The following GNA14 variants were observed in gnomAD, a reference collection of about 807,000 sequenced individuals.
GNA14 encodes the protein guanine nucleotide-binding protein subunit alpha-14.
In GNA14, 50 loss-of-function variants were observed where a neutral mutation model predicts 42.0. The observed-to-expected ratio is 1.19, with a 90% CI of 0.95 to 1.51. The LOEUF (loss-of-function observed/expected upper bound fraction) is 1.51, where lower values mean the gene tolerates loss of function less well. Among genes scored for constraint, GNA14 ranks in the 40% most tolerant of loss-of-function variants. The pLI, the probability that GNA14 is intolerant of heterozygous loss-of-function variation, is 0.00. For missense variants in GNA14, 473 were observed against 446.2 expected (o/e 1.06, Z -0.54); for synonymous variants, 173 against 163.1 (o/e 1.06, Z -0.46).
intron 1 of GNA14, among the ~76,000 whole-genome samples, chr9:77,584,066 T>C (rs1823265175): frequency 6.6e-6 from 1 of 152,188 alleles, no homozygotes; most frequent in Admixed American, 6.5e-5. Flanking sequence ...TGAAAAGGAA[T>C]ACTGAGACAA....
chr9:77,423,858 T>C lies in GNA14; in HGVS notation c.*121A>G. 1 of 569,168 alleles carries C rather than the reference T, an allele frequency of 1.8e-6. No individual in the cohort carries two copies. Among genetic ancestry groups the C allele is most frequent in the Non-Finnish European group, 3.0e-6 (1 of 330,730 alleles). The allele number at this position is 569,168 out of a possible 1,614,324, so 35.3% of individuals were successfully genotyped here. A position where few individuals can be genotyped will look rare whatever the true frequency, so the allele number is the denominator to read the frequency against. ...ATCACCCATCTCTGTCCCCACGATCTACATGACATCCTTAGTTCCTGGCAT... is the reference window on the plus strand; with the variant it reads ...ATCACCCATCTCTGTCCCCACGATCCACATGACATCCTTAGTTCCTGGCAT... On this transcript the variant is annotated 3_prime_UTR_variant, in exon 7 of 7. Transcript: ENST00000341700.
intron 1 of GNA14, among the ~76,000 whole-genome samples, chr9:77,631,488 A>C (rs938158203): frequency 1.4e-4 from 18 of 132,980 alleles, no homozygotes; most frequent in Admixed American, 7.4e-5. Flanking sequence ...AAAAAAAAAA[A>C]GTAAAAAACC....
chr9:77,520,912 T>C (rs963014776), intron 2 of GNA14, among the ~76,000 whole-genome samples: 1 of 152,222 alleles, frequency 6.6e-6, no homozygotes, highest in Admixed American at 6.5e-5. Context: ...TTACTCATCA[T>C]TGGCTCCCAA....
intron 1 of GNA14, among the ~76,000 whole-genome samples, chr9:77,646,986 G>A (rs1824365069): frequency 6.6e-6 from 1 of 152,208 alleles, no homozygotes; most frequent in East Asian, 1.9e-4. Context: ...GCTGGGCAAG[G>A]GAGGTTTGGG....
intron 1 of GNA14, among the ~76,000 whole-genome samples, chr9:77,631,850 G>T (rs1824104257): frequency 6.6e-6 from 1 of 152,180 alleles, no homozygotes; most frequent in Non-Finnish European, 1.5e-5. Context: ...CAGCAGGAAA[G>T]CGTGGCTGGG....
chr9:77,605,644 T>C (rs1224673364), intron 1 of GNA14, among the ~76,000 whole-genome samples: 1 of 152,098 alleles, frequency 6.6e-6, no homozygotes, highest in Non-Finnish European at 1.5e-5. Context: ...AGGAGGACCT[T>C]ATGTTAAGTG....
At chr9:77,560,754 A>G (rs1484065603) in intron 1 of GNA14, among the ~76,000 whole-genome samples, 1 of 152,228 alleles carries the variant, frequency 6.6e-6, no homozygotes, top group Non-Finnish European at 1.5e-5. Context: ...TAGCCAAAGC[A>G]CAGAACTTTG....
At chr9:77,500,986 C>T (rs573426559) in intron 2 of GNA14, among the ~76,000 whole-genome samples, 85 of 151,604 alleles carry the variant, frequency 5.6e-4, no homozygotes, top group African/African-American at 1.9e-3. Flanking sequence ...GACAGAATCT[C>T]GCTCTGTCAC....
chr9:77,585,094 C>T (rs1008619226), intron 1 of GNA14, among the ~76,000 whole-genome samples: 5 of 152,168 alleles, frequency 3.3e-5, no homozygotes, highest in African/African-American at 1.2e-4. Context: ...CAGTAGGTTT[C>T]AGCCTCATTT....
intron 2 of GNA14, among the ~76,000 whole-genome samples, chr9:77,497,674 A>C (rs1250340856): frequency 6.7e-6 from 1 of 150,096 alleles, no homozygotes; most frequent in Non-Finnish European, 1.5e-5. Context: ...TGAATGAATT[A>C]AGCTGACCAA....
intron 2 of GNA14, among the ~76,000 whole-genome samples, chr9:77,520,531 T>C (rs1837340133): frequency 2.0e-5 from 3 of 152,176 alleles, no homozygotes; most frequent in African/African-American, 4.8e-5. Flanking sequence ...TTCCCCTTTA[T>C]ATTTTAGGAT....
At chr9:77,538,263 A>G (rs1188715699) in intron 1 of GNA14, among the ~76,000 whole-genome samples, 1 of 152,060 alleles carries the variant, frequency 6.6e-6, no homozygotes, top group Non-Finnish European at 1.5e-5. Context: ...TTATAGAGAC[A>G]GCATTTCACT....
chr9:77,496,834 G>T (rs1836878783), intron 2 of GNA14, among the ~76,000 whole-genome samples: 1 of 152,178 alleles, frequency 6.6e-6, no homozygotes, highest in Non-Finnish European at 1.5e-5. Flanking sequence ...GGTATGCTTT[G>T]TGTTTTTAAT....
intron 1 of GNA14, among the ~76,000 whole-genome samples, chr9:77,560,488 G>GT (rs1036671594): frequency 4.0e-5 from 6 of 151,406 alleles, no homozygotes; most frequent in South Asian, 2.1e-4. Flanking sequence ...TGTTTGGTTG[G>GT]TTTTTTTTGT....
intron 1 of GNA14, among the ~76,000 whole-genome samples, chr9:77,585,900 G>A (rs1309704520): frequency 6.6e-6 from 1 of 152,084 alleles, no homozygotes; most frequent in East Asian, 1.9e-4. Flanking sequence ...TTATTATTTA[G>A]TATTACCTTC....
chr9:77,455,242 C>T (rs2131707186), intron 2 of GNA14, among the ~76,000 whole-genome samples: 1 of 152,344 alleles, frequency 6.6e-6, no homozygotes, highest in East Asian at 1.9e-4. Flanking sequence ...GCCCTCAGTT[C>T]CTGGCCATGT....
Position 77,446,707 on chromosome 9 carries a change from C to A in GNA14, c.310-12185G>T, listed in dbSNP as rs1440598721. On this transcript the variant is annotated intron_variant, in intron 2 of 6. Coordinates refer to ENST00000341700, the MANE Select transcript of GNA14 (RefSeq NM_004297.4). ...TGTGGAGCAGAGCCCAAGTGCCACA[C>A]CCCCACCAACTTATACTGGATTGAC... is the stretch of plus-strand genomic sequence containing the variant. 2.0e-5 allele frequency among the ~76,000 whole-genome samples: 3 copies of A among 152,304 alleles called. No homozygotes were observed. In the East Asian group the frequency reaches 5.8e-4, roughly 29 times the overall value.
chr9:77,500,340 G>T (rs1418154229), intron 2 of GNA14, among the ~76,000 whole-genome samples: 1 of 152,122 alleles, frequency 6.6e-6, no homozygotes, highest in Non-Finnish European at 1.5e-5. Context: ...TTTTGGGAAT[G>T]AACTTACCTA....
intron 2 of GNA14, among the ~76,000 whole-genome samples, chr9:77,488,784 TAAAAAA>T (rs67416479): frequency 9.3e-5 from 5 of 53,682 alleles, no homozygotes; most frequent in Admixed American, 4.7e-4. Flanking sequence ...CACACCTAAT[TAAAAAA>T]AAAAAAAAAA....
Sources: gnomAD v4.1 joint callset for allele counts (sites outside exome capture counted in the v4.1 genomes callset) on GRCh38, gnomAD v4.1.1 for gene constraint, MANE v1.5 for transcripts, NCBI Gene and HGNC (gene_info 2026-07-23, HGNC 2026-07-21) for gene names.